Variants in ST18 observed in about 807,000 individuals in gnomAD.
ST18 encodes ST18 C2H2C-type zinc finger transcription factor.
Under a neutral mutation model 110.0 loss-of-function variants are expected in ST18, and 50 were observed. The ratio of observed to expected loss-of-function variants is 0.45; its 90% CI spans 0.36 to 0.58. ST18 has a LOEUF of 0.58. Among genes scored for constraint, ST18 ranks in the 20% least tolerant of loss-of-function variants. The pLI is 0.00. For synonymous variants in ST18, 461 were observed against 452.4 expected, an observed-to-expected ratio of 1.02 and a Z score of -0.24; for missense variants, 1,306 against 1,280.1, an observed-to-expected ratio of 1.02 and a Z score of -0.31.
intron 2 of ST18, among the ~76,000 whole-genome samples, chr8:52,258,492 C>T (rs983117496): frequency 6.6e-6 from 1 of 152,142 alleles, no homozygotes; most frequent in African/African-American, 2.4e-5. Flanking sequence ...GTTTACACTT[C>T]TCTTGTTAAA....
At chr8:52,339,626 G>A (rs1359997589) in intron 2 of ST18, among the ~76,000 whole-genome samples, 5 of 152,184 alleles carry the variant, frequency 3.3e-5, no homozygotes, top group African/African-American at 4.8e-5. Flanking sequence ...CTGGGCTGAG[G>A]TCCGAGGTCT....
chr8:52,330,287 G>A (rs1169825419), intron 2 of ST18, among the ~76,000 whole-genome samples: 1 of 152,170 alleles, frequency 6.6e-6, no homozygotes, highest in Admixed American at 6.5e-5. Flanking sequence ...GGTCACTCAG[G>A]ACAGGCCATC....
At chr8:52,393,757 C>G (rs1840101384) in intron 2 of ST18, 1 of 152,078 alleles carries the variant, frequency 6.6e-6, no homozygotes, top group Non-Finnish European at 1.5e-5. Context: ...GTGGCAGACA[C>G]TTGTAATCCC....
intron 2 of ST18, among the ~76,000 whole-genome samples, chr8:52,257,279 T>C (rs1399849764): frequency 2.6e-5 from 4 of 152,230 alleles, no homozygotes; most frequent in Admixed American, 6.5e-5. Flanking sequence ...TATGTTTTTA[T>C]TTCTCTTGAA....
intron 2 of ST18, chr8:52,405,842 G>A (rs1429693918): frequency 6.6e-6 from 1 of 151,878 alleles, no homozygotes; most frequent in Admixed American, 6.6e-5. Context: ...AATCCAAGGA[G>A]AAAGGAATGG....
At chr8:52,147,865 C>A (rs758223278) in intron 16 of ST18, among the ~76,000 whole-genome samples, 1 of 152,162 alleles carries the variant, frequency 6.6e-6, no homozygotes, top group Admixed American at 6.5e-5. Context: ...CATTCCCTTA[C>A]CCAAAGCTAA....
intron 23 of ST18, among the ~76,000 whole-genome samples, 179 bp from the exon 24 acceptor site, chr8:52,118,620 G>C (rs1000380702): frequency 1.3e-5 from 2 of 152,080 alleles, no homozygotes; most frequent in African/African-American, 4.8e-5. Context: ...TAATTTATTG[G>C]TAAGAAAGAA....
At chr8:52,208,593 G>A (rs533045935) in intron 8 of ST18, among the ~76,000 whole-genome samples, 13 of 152,312 alleles carry the variant, frequency 8.5e-5, no homozygotes, top group Admixed American at 3.9e-4. Context: ...TTGGGAGGCC[G>A]AGGCGGGAGG....
chr8:52,174,038 A>T (rs1414924958), intron 9 of ST18, among the ~76,000 whole-genome samples: 1 of 152,220 alleles, frequency 6.6e-6, no homozygotes, highest in Non-Finnish European at 1.5e-5. Context: ...AACTAAAAGC[A>T]TTTTTGGATG....
chr8:52,144,189 A>G (rs1293589228), intron 16 of ST18, among the ~76,000 whole-genome samples: 1 of 152,126 alleles, frequency 6.6e-6, no homozygotes, highest in Non-Finnish European at 1.5e-5. Context: ...GCTTACTTTC[A>G]TCATTGATCT....
At chr8:52,263,583 C>T (rs548829126) in intron 2 of ST18, among the ~76,000 whole-genome samples, 82 of 150,402 alleles carry the variant, frequency 5.5e-4, no homozygotes, top group African/African-American at 1.9e-3. Context: ...ACTAATTTCT[C>T]ATAATATCAT....
In ST18 at chr8:52,180,125, C is replaced by T. The variant is rs140681407; in HGVS notation, c.274G>A (p.Ala92Thr). 4.6e-4 allele frequency: 745 copies of T among 1,614,032 alleles called. 2 individuals carry two copies. In the African/African-American group the frequency reaches 7.7e-3, roughly 17 times the overall value. Residue 92 changes from alanine to threonine, a missense_variant, in exon 9 of 26, where the codon GCA (alanine) becomes ACA (threonine). Transcript: ENST00000689386. ...TTTGGGCTCTCCTCCTTGCTACCTG[C>T]GGTAGAGTGACCATGTGTTTCCAAG... is the stretch of plus-strand genomic sequence containing the variant. Reference protein sequence around the residue: ...GPLETHGHSTAEEIMIKPMDE... With the variant: ...GPLETHGHSTTEEIMIKPMDE...
rs141391941 is a variant in ST18 at position 52,147,214 on chromosome 8, T to C, written c.2052+2518A>G. On this transcript the variant is annotated intron_variant, in intron 16 of 25. Transcript: ENST00000689386. ...GTGAATTTGCTGGGAAATGAAACAC[T>C]GTCCCAGATATATATGCATGAGAAA... Among the ~76,000 whole-genome samples, 4 of 152,308 alleles carry C rather than the reference T, an allele frequency of 2.6e-5. No individual in the cohort carries two copies. In the East Asian group the frequency reaches 7.7e-4, roughly 29 times the overall value.
At chr8:52,137,317 C>T (rs2052844366) in intron 18 of ST18, 104 bp downstream of exon 18, 5 of 1,210,778 alleles carry the variant, frequency 4.1e-6, no homozygotes, top group Non-Finnish European at 5.8e-6. Context: ...ACCCAACCAA[C>T]TCATTTCCTG....
At chr8:52,157,760 A>T (rs1443591424) in intron 15 of ST18, among the ~76,000 whole-genome samples, 1 of 152,248 alleles carries the variant, frequency 6.6e-6, no homozygotes, top group East Asian at 1.9e-4. Context: ...TCCAGAAGCT[A>T]ATTCTGATTC....
In ST18 at chr8:52,158,999, C is replaced by G. The variant is rs1373422104; in HGVS notation, c.1705G>C (p.Asp569His). The G allele has an allele frequency of 6.2e-7, 1 of 1,614,092 alleles. No homozygotes were observed. The highest frequency in any genetic ancestry group is 1.3e-5 in the African/African-American group (1 of 75,034). Residue 569 changes from aspartate (D) to histidine (H), a missense_variant, in exon 15 of 26, where the codon GAC becomes CAC. By Grantham distance (81) the Asp-to-His change is moderately conservative (BLOSUM62 -1). Coordinates refer to ENST00000689386, the MANE Select transcript of ST18 (RefSeq NM_001352837.2). ...SSYSYGQCSE[D>H]THIAAAAAIL... ...GCAGCAGCTGCTGCTATGTGGGTGT[C>G]TTCACTACATTGACCGTAGCTATAA...
intron 2 of ST18, chr8:52,407,976 C>A (rs1328070513): frequency 1.3e-5 from 2 of 152,094 alleles, no homozygotes; most frequent in African/African-American, 2.4e-5. Context: ...ATAATCAAAG[C>A]AAAGGTTTTT....
intron 2 of ST18, among the ~76,000 whole-genome samples, chr8:52,249,052 A>C (rs1479802664): frequency 6.6e-6 from 1 of 152,182 alleles, no homozygotes; most frequent in Admixed American, 6.6e-5. Flanking sequence ...AACCTGAACC[A>C]ATAACCTGAA....
At chr8:52,268,496 T>TATC (rs879847944) in intron 2 of ST18, among the ~76,000 whole-genome samples, 17 of 151,040 alleles carry the variant, frequency 1.1e-4, no homozygotes, top group Non-Finnish European at 1.3e-4. Flanking sequence ...TCTATCTATC[T>TATC]ATCTATCTAT....
Sources: allele counts gnomAD v4.1 joint callset (sites outside exome capture counted in the v4.1 genomes callset), GRCh38; gene constraint gnomAD v4.1.1; transcripts MANE v1.5; gene names NCBI Gene and HGNC (gene_info 2026-07-23, HGNC 2026-07-21).